Variants in DNM3 observed in about 807,000 individuals in gnomAD.
DNM3 encodes dynamin 3.
In DNM3, 47 loss-of-function variants were observed where a neutral mutation model predicts 101.6. That is an observed-to-expected ratio of 0.46 (90% CI 0.37 to 0.59). The LOEUF is 0.59. Among genes scored for constraint, DNM3 ranks in the 20% least tolerant of loss-of-function variants. The pLI, the probability that DNM3 is intolerant of heterozygous loss-of-function variation, is 0.00. For missense variants in DNM3, 849 were observed against 1,085.7 expected (o/e 0.78, Z 3.06); for synonymous variants, 385 against 387.9 (o/e 0.99, Z 0.09).
At chr1:172,198,148 T>G (rs995323384) in intron 14 of DNM3, among the ~76,000 whole-genome samples, 6 of 152,114 alleles carry the variant, frequency 3.9e-5, no homozygotes, top group Non-Finnish European at 8.8e-5. Context: ...AGCCCTTTCT[T>G]CATCTGTTGA....
chr1:172,172,375 A>G (rs994827031), intron 14 of DNM3, among the ~76,000 whole-genome samples: 1 of 151,672 alleles, frequency 6.6e-6, no homozygotes, highest in African/African-American at 2.4e-5. Flanking sequence ...GATAACCGAG[A>G]CAGCTACTAA....
At chr1:172,147,994 C>G (rs74965214) in intron 14 of DNM3, among the ~76,000 whole-genome samples, 1 of 151,946 alleles carries the variant, frequency 6.6e-6, no homozygotes, top group African/African-American at 2.4e-5. Flanking sequence ...ATTATCATCC[C>G]CATTTTATTG....
chr1:171,861,821 A>C (rs1006697172), intron 1 of DNM3, among the ~76,000 whole-genome samples: 2 of 152,166 alleles, frequency 1.3e-5, no homozygotes, highest in Admixed American at 1.3e-4. Flanking sequence ...AATGGGGGGA[A>C]ATTTTTGCAA....
intron 20 of DNM3, among the ~76,000 whole-genome samples, chr1:172,389,373 A>G (rs2069389631): frequency 6.6e-6 from 1 of 151,522 alleles, no homozygotes; most frequent in South Asian, 2.1e-4. Context: ...TGTTGTATAC[A>G]GTCACTAATC....
chr1:172,363,275 C>T (rs1468334000), intron 17 of DNM3, among the ~76,000 whole-genome samples: 1 of 151,850 alleles, frequency 6.6e-6, no homozygotes, highest in East Asian at 1.9e-4. Flanking sequence ...TCTGAATGCT[C>T]ATTCTGTGAT....
At chr1:172,154,648 G>A (rs1273213437) in intron 14 of DNM3, among the ~76,000 whole-genome samples, 4 of 152,020 alleles carry the variant, frequency 2.6e-5, no homozygotes, top group Non-Finnish European at 5.9e-5. Context: ...AATGTATTTT[G>A]GAATTTGCAA....
chr1:172,160,984 T>A (rs1478573540), intron 14 of DNM3, among the ~76,000 whole-genome samples: 3 of 151,916 alleles, frequency 2.0e-5, no homozygotes, highest in Non-Finnish European at 4.4e-5. Flanking sequence ...ATGTGTTGCA[T>A]GATAGTGACT....
intron 1 of DNM3, among the ~76,000 whole-genome samples, chr1:171,917,248 G>T (rs2039786776): frequency 6.6e-6 from 1 of 151,524 alleles, no homozygotes; most frequent in Non-Finnish European, 1.5e-5. Context: ...CTATATTGAA[G>T]AAACCATCTC....
chr1:171,916,850 A>G (rs1351928420), intron 1 of DNM3, among the ~76,000 whole-genome samples: 1 of 151,890 alleles, frequency 6.6e-6, no homozygotes, highest in Admixed American at 6.6e-5. Context: ...TCTCATTCTG[A>G]TCTCTCTTTA....
chr1:172,353,379 G>A (rs2148989285), intron 17 of DNM3, among the ~76,000 whole-genome samples: 1 of 152,242 alleles, frequency 6.6e-6, no homozygotes, highest in African/African-American at 2.4e-5. Context: ...ATTAAGATTT[G>A]TAGATATAAA....
chr1:172,331,084 C>T (rs559326980), intron 17 of DNM3, among the ~76,000 whole-genome samples: 1 of 152,254 alleles, frequency 6.6e-6, no homozygotes, highest in East Asian at 1.9e-4. Context: ...TCATTCATTG[C>T]CTATTGCTTT....
At chr1:172,359,125 A>AACACACAC (rs10683483) in intron 17 of DNM3, among the ~76,000 whole-genome samples, 30,750 of 145,388 alleles carry the variant, frequency 0.21, 3,754 homozygotes, top group East Asian at 0.49. Context: ...ACTCCCACAA[A>AACACACAC]ACACACACAC....
chr1:171,933,925 A>G (rs2041221294), intron 2 of DNM3, among the ~76,000 whole-genome samples: 1 of 152,190 alleles, frequency 6.6e-6, no homozygotes, highest in African/African-American at 2.4e-5. Flanking sequence ...TTAGCGGTAG[A>G]GAGTTAAGGG....
intron 2 of DNM3, among the ~76,000 whole-genome samples, chr1:171,963,497 C>G (rs1055829098): frequency 6.6e-6 from 1 of 151,906 alleles, no homozygotes; most frequent in African/African-American, 2.4e-5. Flanking sequence ...CAAGAGGGAC[C>G]CCTACTGTAA....
At chr1:172,273,107 A>G (rs547711026) in intron 15 of DNM3, among the ~76,000 whole-genome samples, 66 of 152,246 alleles carry the variant, frequency 4.3e-4, no homozygotes, top group Non-Finnish European at 9.0e-4. Flanking sequence ...TAGGTAAATT[A>G]TATACATATG....
At chr1:172,355,461 A>G (rs1553243294) in intron 17 of DNM3, among the ~76,000 whole-genome samples, 1 of 152,166 alleles carries the variant, frequency 6.6e-6, no homozygotes, top group African/African-American at 2.4e-5. Context: ...AATAGATTAA[A>G]CAGCTGGAGA....
At chr1:172,282,363 C>A (rs546327284) in intron 15 of DNM3, among the ~76,000 whole-genome samples, 218 of 152,066 alleles carry the variant, frequency 1.4e-3, no homozygotes, top group Non-Finnish European at 2.5e-3. Flanking sequence ...ATTTCAAATT[C>A]TTAAAACAAC....
At chr1:171,943,530 A>G (rs765657578) in intron 2 of DNM3, among the ~76,000 whole-genome samples, 3 of 152,222 alleles carry the variant, frequency 2.0e-5, no homozygotes, top group Admixed American at 6.5e-5. Flanking sequence ...CTTAACCCAG[A>G]CATTCCTTTC....
chr1:172,100,713 A>G (rs1486910305), intron 13 of DNM3, among the ~76,000 whole-genome samples: 1 of 152,218 alleles, frequency 6.6e-6, no homozygotes, highest in African/African-American at 2.4e-5. Context: ...GTTTACATGA[A>G]TGAACACTTC....
Sources: gnomAD v4.1 joint callset for allele counts (sites outside exome capture counted in the v4.1 genomes callset) on GRCh38, gnomAD v4.1.1 for gene constraint, MANE v1.5 for transcripts, NCBI Gene and HGNC (gene_info 2026-07-23, HGNC 2026-07-21) for gene names.